Variants in PRKAR1B observed in about 807,000 individuals in gnomAD.
PRKAR1B encodes protein kinase cAMP-dependent type I regulatory subunit beta.
PRKAR1B carries 22 observed loss-of-function variants against 46.5 expected under a neutral mutation model. The observed-to-expected ratio is 0.47, with a 90% CI of 0.34 to 0.68. The LOEUF (loss-of-function observed/expected upper bound fraction) is 0.68. Among genes scored for constraint, PRKAR1B ranks in the 30% least tolerant of loss-of-function variants. The pLI is 0.01. For missense variants in PRKAR1B, 445 were observed against 535.6 expected (o/e 0.83, Z 1.67); for synonymous variants, 259 against 217.7 (o/e 1.19, Z -1.67).
intron 7 of PRKAR1B, among the ~76,000 whole-genome samples, chr7:585,534 A>G (rs1480842575): frequency 6.6e-6 from 1 of 152,134 alleles, no homozygotes; most frequent in East Asian, 1.9e-4. Flanking sequence ...TGTGAGTCAG[A>G]CCGAGAGACG....
intron 4 of PRKAR1B, among the ~76,000 whole-genome samples, chr7:662,342 C>A (rs529425846): frequency 2.0e-4 from 25 of 124,952 alleles, no homozygotes; most frequent in African/African-American, 3.1e-4. Context: ...TACTCTCCCC[C>A]CCATGGCACA....
intron 2 of PRKAR1B, among the ~76,000 whole-genome samples, chr7:710,026 G>A (rs563149300): frequency 2.1e-4 from 32 of 152,226 alleles, no homozygotes; most frequent in East Asian, 7.7e-4. Context: ...TTCCACTTCC[G>A]AACTTTTCAA....
chr7:606,364 C>G, intron 5 of PRKAR1B, 125 bp from the exon 6 acceptor site: 7 of 699,252 alleles, frequency 1.0e-5, no homozygotes, highest in Non-Finnish European at 1.7e-5. Flanking sequence ...TGGGTGCTAC[C>G]AATTCTTTTT....
intron 4 of PRKAR1B, among the ~76,000 whole-genome samples, chr7:638,400 G>A (rs866137624): frequency 6.6e-6 from 1 of 152,072 alleles, no homozygotes; most frequent in Non-Finnish European, 1.5e-5. Flanking sequence ...CTGACAGATC[G>A]TCCCCCGGGG....
intron 2 of PRKAR1B, among the ~76,000 whole-genome samples, chr7:691,326 C>T (rs117800821): frequency 0.011 from 1,683 of 152,344 alleles, 23 homozygotes; most frequent in East Asian, 0.1. Context: ...TGGGGAAACT[C>T]GGCCAGGCCA....
chr7:624,856 TA>T (rs1327939142), intron 4 of PRKAR1B, among the ~76,000 whole-genome samples: 1 of 151,588 alleles, frequency 6.6e-6, no homozygotes, highest in African/African-American at 2.4e-5. Flanking sequence ...ACACAGGAAA[TA>T]AAAAAAGAGA....
chr7:578,064 A>G (rs1023067889), intron 9 of PRKAR1B, among the ~76,000 whole-genome samples: 1 of 152,200 alleles, frequency 6.6e-6, no homozygotes, highest in African/African-American at 2.4e-5. Context: ...TGTCATGGCA[A>G]CGGTAAACTG....
At chr7:723,693 C>T (rs140589028) in intron 1 of PRKAR1B, among the ~76,000 whole-genome samples, 376 of 152,320 alleles carry the variant, frequency 2.5e-3, no homozygotes, top group Middle Eastern at 0.017. Context: ...AATGCAGACT[C>T]GATCTTGCCA....
intron 1 of PRKAR1B, among the ~76,000 whole-genome samples, chr7:726,343 G>A (rs552228734): frequency 1.3e-5 from 2 of 152,296 alleles, no homozygotes; most frequent in Admixed American, 1.3e-4. Context: ...GCTCAAACAG[G>A]GGCTTCCCGG....
chr7:583,623 C>A (rs889243932), intron 8 of PRKAR1B, among the ~76,000 whole-genome samples: 69 of 117,356 alleles, frequency 5.9e-4, no homozygotes, highest in Non-Finnish European at 9.0e-5. Context: ...CACGTGCACA[C>A]TCAAACCCCC....
intron 8 of PRKAR1B, among the ~76,000 whole-genome samples, chr7:584,084 A>G (rs964709235): frequency 3.9e-5 from 6 of 152,142 alleles, no homozygotes; most frequent in African/African-American, 1.4e-4. Context: ...CTCCCAGAGA[A>G]ACTGCGCTTA....
chr7:568,418 C>T (rs911692985), intron 9 of PRKAR1B, among the ~76,000 whole-genome samples: 1 of 152,222 alleles, frequency 6.6e-6, no homozygotes, highest in South Asian at 2.1e-4. Context: ...GAGAGACATG[C>T]GTGGCCAAAT....
At position 556,811 on chromosome 7, in the gene PRKAR1B, G is replaced by A. The variant is rs139476685; in HGVS notation, c.892-5341C>T. Among the ~76,000 whole-genome samples the A allele has an allele frequency of 2.9e-4, 44 of 152,352 alleles. No homozygotes were observed. In the East Asian group the frequency reaches 8.5e-3, roughly 29 times the overall value. On this transcript the variant is annotated intron_variant, in intron 9 of 10. Transcript: ENST00000537384. ...CCAGTAGAGCTGTGTCTTGAGCTCAGATGCCATGTTTCTGGAATGGAGAGG... is the reference window on the plus strand; with the variant it reads ...CCAGTAGAGCTGTGTCTTGAGCTCAAATGCCATGTTTCTGGAATGGAGAGG...
intron 4 of PRKAR1B, among the ~76,000 whole-genome samples, chr7:651,462 C>T (rs1036934374): frequency 5.9e-5 from 9 of 152,212 alleles, no homozygotes; most frequent in Non-Finnish European, 1.0e-4. Context: ...ATCACACAGA[C>T]TTCACGTGTC....
At chr7:675,832 G>A (rs1276556506) in intron 4 of PRKAR1B, among the ~76,000 whole-genome samples, 1 of 152,180 alleles carries the variant, frequency 6.6e-6, no homozygotes, top group Non-Finnish European at 1.5e-5. Flanking sequence ...TGTAATCCCA[G>A]ATACTCAGGA....
chr7:705,241 T>G (rs1004842612), intron 2 of PRKAR1B, among the ~76,000 whole-genome samples: 2 of 148,336 alleles, frequency 1.3e-5, no homozygotes, highest in Admixed American at 1.4e-4. Context: ...GAGCAGAGGC[T>G]GCAGTAAACC....
chr7:581,016 C>T (rs1256477690), intron 8 of PRKAR1B, among the ~76,000 whole-genome samples: 1 of 152,088 alleles, frequency 6.6e-6, no homozygotes, highest in African/African-American at 2.4e-5. Flanking sequence ...AAACAGGGTC[C>T]GTACCAGCTG....
intron 4 of PRKAR1B, among the ~76,000 whole-genome samples, chr7:674,412 G>T (rs532604277): frequency 3.5e-5 from 5 of 144,464 alleles, no homozygotes. Context: ...GCTACTCCAT[G>T]TATACCTAGC....
Position 583,374 on chromosome 7 carries a change from C to G in PRKAR1B, c.769+1134G>C, listed in dbSNP as rs554812476. ...ACACACACAGGCGCACACACCCACT[C>G]ACACATGTGCACACTCACACCCCCC... On this transcript the variant is annotated intron_variant, in intron 8 of 10. Transcript: ENST00000537384. Among the ~76,000 whole-genome samples, 27 of 125,302 alleles carry G rather than the reference C, an allele frequency of 2.2e-4. 1 individual carries two copies. In the East Asian group the frequency reaches 4.2e-3, roughly 20 times the overall value. The allele number at this position is 125,302 out of a possible 152,430, so 82.2% of individuals were successfully genotyped here.
Sources: gnomAD v4.1 joint callset for allele counts (sites outside exome capture counted in the v4.1 genomes callset) on GRCh38, gnomAD v4.1.1 for gene constraint, MANE v1.5 for transcripts, NCBI Gene and HGNC (gene_info 2026-07-23, HGNC 2026-07-21) for gene names.